CDH13: variants seen among roughly 807,000 people sequenced by gnomAD.
CDH13 encodes the protein cadherin 13, also known as cadherin-13.
Under a neutral mutation model 63.8 loss-of-function variants are expected in CDH13, and 24 were observed. The ratio of observed to expected loss-of-function variants is 0.38; its 90% CI spans 0.27 to 0.53. The LOEUF (loss-of-function observed/expected upper bound fraction) is 0.53, where lower values mean the gene tolerates loss of function less well. Ranked by LOEUF, CDH13 falls within the 20% of genes least tolerant of loss-of-function variation. The pLI is 0.85. For missense variants in CDH13, 1,049 were observed against 903.1 expected, an observed-to-expected ratio of 1.16 and a Z score of -2.07; for synonymous variants, 503 against 355.3, an observed-to-expected ratio of 1.42 and a Z score of -4.67.
At chr16:82,789,190 G>C (rs1297945079) in intron 1 of CDH13, among the ~76,000 whole-genome samples, 2 of 152,146 alleles carry the variant, frequency 1.3e-5, no homozygotes, top group African/African-American at 4.8e-5. Context: ...GGCCATTCTT[G>C]GTCATCCAGT....
chr16:83,364,255 G>T (rs2151389116), intron 6 of CDH13, among the ~76,000 whole-genome samples: 1 of 152,066 alleles, frequency 6.6e-6, no homozygotes, highest in East Asian at 1.9e-4. Context: ...TTCTGCCTGT[G>T]GATCTACCCA....
At chr16:83,573,437 G>A (rs1043510620) in intron 7 of CDH13, among the ~76,000 whole-genome samples, 1 of 152,180 alleles carries the variant, frequency 6.6e-6, no homozygotes. Flanking sequence ...GGAAGGTAAG[G>A]AAACTACTAG....
intron 3 of CDH13, among the ~76,000 whole-genome samples, chr16:83,098,385 C>T (rs1187208945): frequency 6.6e-6 from 1 of 152,148 alleles, no homozygotes; most frequent in Admixed American, 6.5e-5. Context: ...TTTAAACAAT[C>T]AATTTTCCTT....
At chr16:83,676,726 C>T in intron 9 of CDH13, among the ~76,000 whole-genome samples, 1 of 152,178 alleles carries the variant, frequency 6.6e-6, no homozygotes, top group East Asian at 1.9e-4. Context: ...AGTCCAGTTA[C>T]AACCAGGAAG....
chr16:83,309,788 G>A (rs980702027), intron 5 of CDH13, among the ~76,000 whole-genome samples: 15 of 152,046 alleles, frequency 9.9e-5, no homozygotes, highest in South Asian at 2.1e-4. Context: ...AGGACTTTTC[G>A]CTTGCTATAA....
At chr16:82,954,496 T>A (rs1905760968) in intron 2 of CDH13, 1 of 151,852 alleles carries the variant, frequency 6.6e-6, no homozygotes, top group South Asian at 2.1e-4. Flanking sequence ...TTATCCAGAG[T>A]CACAAAGCGC....
At chr16:83,634,216 A>G (rs1911053513) in intron 8 of CDH13, among the ~76,000 whole-genome samples, 1 of 151,664 alleles carries the variant, frequency 6.6e-6, no homozygotes, top group Non-Finnish European at 1.5e-5. Context: ...CACCATCATG[A>G]TACAGGACAG....
chr16:83,586,680 C>G (rs1429829317), intron 7 of CDH13, among the ~76,000 whole-genome samples: 1 of 152,106 alleles, frequency 6.6e-6, no homozygotes, highest in Non-Finnish European at 1.5e-5. Context: ...CTCGTGGGAG[C>G]AGGTCAGGGC....
rs118018151 is a variant in CDH13 at position 83,143,609 on chromosome 16, A to G, written c.483+18108A>G. Among the ~76,000 whole-genome samples the G allele has an allele frequency of 8.8e-4, 134 of 152,322 alleles. 2 individuals carry two copies. The East Asian group carries it at 0.021, about 24-fold the overall frequency. On this transcript the variant is annotated intron_variant, in intron 4 of 13. Transcript: ENST00000567109. The stretch of plus-strand genomic sequence containing the variant: ...CAGAAGTTAACATACTCATTTATCA[A>G]TGGAGAGGTGGCATTTATCATTAGG...
intron 10 of CDH13, among the ~76,000 whole-genome samples, chr16:83,730,086 C>A (rs1401758775): frequency 1.3e-5 from 2 of 152,218 alleles, no homozygotes; most frequent in Admixed American, 1.3e-4. Context: ...ATGCTGTGTT[C>A]ATCATGGCTT....
intron 1 of CDH13, among the ~76,000 whole-genome samples, chr16:82,740,032 T>G (rs192372073): frequency 6.6e-6 from 1 of 152,286 alleles, no homozygotes; most frequent in Admixed American, 6.5e-5. Context: ...TGGTAAACCT[T>G]TCTTTATCTT....
chr16:83,340,305 A>AGTGTGTGTGT (rs147527566), intron 5 of CDH13, among the ~76,000 whole-genome samples: 100 of 150,386 alleles, frequency 6.6e-4, no homozygotes, highest in East Asian at 5.9e-4. Context: ...CCTACATCTG[A>AGTGTGTGTGT]GTGTGTGTGT....
At chr16:83,602,182 CA>C (rs1046585660) in intron 7 of CDH13, among the ~76,000 whole-genome samples, 2 of 95,070 alleles carry the variant, frequency 2.1e-5, no homozygotes, top group African/African-American at 4.0e-5. Flanking sequence ...GGAAATGGAA[CA>C]TTCTGTGATA....
At chr16:83,619,331 G>C (rs1013056060) in intron 8 of CDH13, among the ~76,000 whole-genome samples, 1 of 152,330 alleles carries the variant, frequency 6.6e-6, no homozygotes, top group South Asian at 2.1e-4. Context: ...AGATGGAAGA[G>C]GGTAAAGTCA....
chr16:83,357,032 A>T (rs1544812), intron 6 of CDH13, among the ~76,000 whole-genome samples: 88,220 of 152,010 alleles, frequency 0.58, 27,617 homozygotes, highest in African/African-American at 0.82. Flanking sequence ...TAGTTTATAA[A>T]AGGCTTCTAA....
intron 1 of CDH13, among the ~76,000 whole-genome samples, chr16:82,648,364 T>C (rs369734467): frequency 5.3e-4 from 80 of 152,310 alleles, no homozygotes; most frequent in Middle Eastern, 6.8e-3. Context: ...TAGCCAACGC[T>C]TAGGAAGTAG....
chr16:83,290,458 T>C (rs951699240), intron 5 of CDH13, among the ~76,000 whole-genome samples: 3 of 152,090 alleles, frequency 2.0e-5, no homozygotes, highest in Non-Finnish European at 2.9e-5. Flanking sequence ...TAAGGGGAGT[T>C]CTTCTGCACA....
intron 7 of CDH13, among the ~76,000 whole-genome samples, chr16:83,553,587 C>T (rs573398302): frequency 1.3e-5 from 2 of 152,208 alleles, no homozygotes; most frequent in South Asian, 4.1e-4. Context: ...GATGGAGTAT[C>T]GCTCTGTCGC....
At chr16:82,789,145 C>A (rs986385624) in intron 1 of CDH13, among the ~76,000 whole-genome samples, 37 of 152,182 alleles carry the variant, frequency 2.4e-4, no homozygotes, top group Non-Finnish European at 4.7e-4. Context: ...CACCCCACCC[C>A]ATCCTACCCT....
Sources: allele counts gnomAD v4.1 joint callset (sites outside exome capture counted in the v4.1 genomes callset), GRCh38; gene constraint gnomAD v4.1.1; transcripts MANE v1.5; gene names NCBI Gene and HGNC (gene_info 2026-07-23, HGNC 2026-07-21).